Variants in CYP3A5 observed in about 807,000 individuals in gnomAD.
CYP3A5 encodes cytochrome P450 3A5.
Under a neutral mutation model 55.9 loss-of-function variants are expected in CYP3A5, and 51 were observed. That is an observed-to-expected ratio of 0.91 (90% confidence interval 0.73 to 1.15). The LOEUF (loss-of-function observed/expected upper bound fraction) is 1.15, where lower values mean the gene tolerates loss of function less well. CYP3A5 is among the 50% of genes most tolerant of loss of function. The pLI is 0.00. For synonymous variants in CYP3A5, 196 were observed against 213.9 expected, an observed-to-expected ratio of 0.92 and a Z score of 0.73; for missense variants, 533 against 596.6, an observed-to-expected ratio of 0.89 and a Z score of 1.11.
Position 99,666,705 on chromosome 7 carries a change from A to T in CYP3A5, c.433-16T>A, listed in dbSNP as rs1811060233. ...TGGGGAACATCTAAGCACAAAACAG[A>T]TCAGTACCTGTAGTTAAATGTGCAG... On this transcript the variant is annotated splice_polypyrimidine_tract_variant and intron_variant, in intron 5 of 12. Transcript: ENST00000222982. The T allele has an allele frequency of 6.2e-7, 1 of 1,613,936 alleles. No individual in the cohort carries two copies. Among genetic ancestry groups the T allele is most frequent in the Non-Finnish European group, 8.5e-7 (1 of 1,179,956 alleles).
At chr7:99,674,380 G>T in intron 3 of CYP3A5, 153 bp downstream of exon 3, 1 of 546,826 alleles carries the variant, frequency 1.8e-6, no homozygotes, top group Non-Finnish European at 3.2e-6. Flanking sequence ...CTACTCCCAA[G>T]TAATTATCCT....
intron 9 of CYP3A5, among the ~76,000 whole-genome samples, chr7:99,661,574 A>G (rs547342110): frequency 4.6e-5 from 7 of 152,332 alleles, no homozygotes; most frequent in African/African-American, 9.6e-5. Context: ...GTCCATCACT[A>G]GTCTGTTTGG....
intron 8 of CYP3A5, chr7:99,663,705 G>C: frequency 9.3e-7 from 1 of 1,071,626 alleles, no homozygotes; most frequent in African/African-American, 1.7e-5. Flanking sequence ...GGGAAGAGAA[G>C]TGGTAAAATT....
intron 10 of CYP3A5, among the ~76,000 whole-genome samples, chr7:99,656,574 A>G (rs1809760896): frequency 6.6e-6 from 1 of 152,176 alleles, no homozygotes; most frequent in South Asian, 2.1e-4. Flanking sequence ...AGGCTTTGGT[A>G]TCAGGATGAT....
intron 3 of CYP3A5, among the ~76,000 whole-genome samples, chr7:99,673,614 C>G (rs1217109918): frequency 6.6e-6 from 1 of 152,180 alleles, no homozygotes; most frequent in Non-Finnish European, 1.5e-5. Context: ...AGTGGTTTCC[C>G]AATCTGTTTC....
intron 4 of CYP3A5, chr7:99,671,773 G>A (rs1242450558): frequency 1.4e-6 from 1 of 702,096 alleles, no homozygotes; most frequent in Non-Finnish European, 2.6e-6. Flanking sequence ...TATAGAACCT[G>A]TCAGAGAAAA....
intron 4 of CYP3A5, among the ~76,000 whole-genome samples, chr7:99,672,102 A>G (rs922448306): frequency 6.6e-6 from 1 of 151,916 alleles, no homozygotes; most frequent in African/African-American, 2.4e-5. Context: ...CCCAGACTGG[A>G]GTATAATGGC....
intron 11 of CYP3A5, 80 bp from the exon 12 acceptor site, chr7:99,650,312 A>G: frequency 1.5e-6 from 2 of 1,371,866 alleles, no homozygotes; most frequent in Non-Finnish European, 2.0e-6. Flanking sequence ...TTACTTAAGA[A>G]CAACCCCCCT....
Position 99,652,536 on chromosome 7 carries a change from T to C in CYP3A5, c.1253+17A>G, listed in dbSNP as rs757080040. 1.3e-6 allele frequency: 2 copies of C among 1,571,980 alleles called. No individual in the cohort carries two copies. The highest frequency in any genetic ancestry group is 2.7e-5 in the African/African-American group (2 of 74,096). ...AGCCTGGGTCAGGGTGAGCTCCATT[T>C]CCCTGGAGACTTGTACCTTTCAGGG... is the stretch of plus-strand genomic sequence containing the variant. On this transcript the variant is annotated intron_variant, in intron 11 of 12. Coordinates refer to ENST00000222982, the MANE Select transcript of CYP3A5 (RefSeq NM_000777.5).
At chr7:99,649,075 T>C (rs1333584595) in intron 12 of CYP3A5, among the ~76,000 whole-genome samples, 1 of 152,192 alleles carries the variant, frequency 6.6e-6, no homozygotes. Flanking sequence ...AACATTCTGA[T>C]CTCAGTTCAG....
intron 4 of CYP3A5, chr7:99,670,857 G>T (rs940725641): frequency 4.6e-5 from 7 of 152,126 alleles, no homozygotes; most frequent in African/African-American, 1.7e-4. Flanking sequence ...GATACTGATG[G>T]ATTAGTTTCT....
intron 11 of CYP3A5, among the ~76,000 whole-genome samples, chr7:99,651,499 G>A (rs1433723012): frequency 6.6e-6 from 1 of 152,078 alleles, no homozygotes. Context: ...AAACATAGAA[G>A]TCCTCTACTC....
intron 1 of CYP3A5, among the ~76,000 whole-genome samples, chr7:99,676,997 A>T (rs1257486515): frequency 6.6e-6 from 1 of 152,192 alleles, no homozygotes; most frequent in African/African-American, 2.4e-5. Context: ...TTCTCAGGTC[A>T]TACTCACCTG....
rs1255610231 is a variant in CYP3A5, at chr7:99,667,004, T to C, written c.380A>G (p.Lys127Arg). Residue 127 changes from lysine to arginine, a missense_variant, in exon 5 of 13, where the codon AAG becomes AGG. Coordinates refer to ENST00000222982, the MANE Select transcript of CYP3A5 (RefSeq NM_000777.5). ...AISLAEDEEW[K>R]RIRSLLSPTF... ...TGGAGACAGCAATGACCGTATTCTC[T>C]TCCATTCTTCATCCTCAGCTAAAGA... 2 of 1,614,026 alleles carry C rather than the reference T, an allele frequency of 1.2e-6. No individual in the cohort carries two copies. Among genetic ancestry groups the C allele is most frequent in the Non-Finnish European group, 8.5e-7 (1 of 1,180,008 alleles).
In CYP3A5 at chr7:99,679,377, A is replaced by G. The variant is rs540946255; in HGVS notation, c.71+449T>C. Among the ~76,000 whole-genome samples the G allele has an allele frequency of 3.9e-5, 6 of 152,258 alleles. No homozygotes were observed. The East Asian group carries it at 1.2e-3, about 29-fold the overall frequency. On this transcript the variant is annotated intron_variant, in intron 1 of 12. Transcript: ENST00000222982. ...AGGTCTACAGGGGCAATACAGCTAC[A>G]CATCCCTTCCAGCAGACACAGAACC...
chr7:99,660,722 G>A (rs1265540526), intron 9 of CYP3A5, 63 bp from the exon 10 acceptor site: 3 of 1,554,996 alleles, frequency 1.9e-6, no homozygotes, highest in Non-Finnish European at 2.6e-6. Flanking sequence ...CAGCTTAGAT[G>A]AAATCTAAGT....
At chr7:99,679,318 A>G (rs1812602656) in intron 1 of CYP3A5, among the ~76,000 whole-genome samples, 1 of 152,092 alleles carries the variant, frequency 6.6e-6, no homozygotes, top group Admixed American at 6.6e-5. Flanking sequence ...TATGTAAATG[A>G]TATCCTGGGT....
chr7:99,668,271 A>G (rs1811232619), intron 4 of CYP3A5, among the ~76,000 whole-genome samples: 1 of 152,228 alleles, frequency 6.6e-6, no homozygotes, highest in Non-Finnish European at 1.5e-5. Flanking sequence ...TGTTGAGGAA[A>G]GTAATAAAAG....
In CYP3A5 at chr7:99,652,605, G is replaced by A; in HGVS notation, c.1201C>T (p.Leu401Phe). The A allele has an allele frequency of 1.9e-6, 3 of 1,614,028 alleles. No individual in the cohort carries two copies. Among genetic ancestry groups the A allele is most frequent in the Middle Eastern group, 1.7e-4 (1 of 6,060 alleles). ...GSMVVIPTYA[L>F]HHDPKYWTEP... ...GTCCAGTACTTTGGGTCATGGTGAA[G>A]AGCATAAGTTGGAATCACCACCATT... Residue 401 changes from leucine to phenylalanine, a missense_variant, in exon 11 of 13, where the codon CTT (leucine) becomes TTT (phenylalanine). Transcript: ENST00000222982.
Sources: allele counts gnomAD v4.1 joint callset (sites outside exome capture counted in the v4.1 genomes callset), GRCh38; gene constraint gnomAD v4.1.1; transcripts MANE v1.5; gene names NCBI Gene and HGNC (gene_info 2026-07-23, HGNC 2026-07-21).